The following KIAA1549 variants were observed in gnomAD, a reference collection of about 807,000 sequenced individuals.
KIAA1549 encodes KIAA1549, also known as UPF0606 protein KIAA1549.
KIAA1549 carries 70 observed loss-of-function variants against 156.4 expected under a neutral mutation model. That is an observed-to-expected ratio of 0.45 (90% CI 0.37 to 0.55). The LOEUF (loss-of-function observed/expected upper bound fraction) is 0.55. Among genes scored for constraint, KIAA1549 ranks in the 20% least tolerant of loss-of-function variants. The pLI is 0.00. For synonymous variants in KIAA1549, 1,103 were observed against 1,066.4 expected, an observed-to-expected ratio of 1.03 and a Z score of -0.67; for missense variants, 2,428 against 2,540.9, an observed-to-expected ratio of 0.96 and a Z score of 0.96.
At chr7:138,838,269 A>G in intron 19 of KIAA1549, 109 bp from the exon 20 acceptor site, 1 of 1,171,576 alleles carries the variant, frequency 8.5e-7, no homozygotes, top group Non-Finnish European at 1.2e-6. Flanking sequence ...CCATCCACCA[A>G]CTCAGCCCTC....
At chr7:138,953,738 T>C (rs2354340) in intron 1 of KIAA1549, among the ~76,000 whole-genome samples, 23,096 of 152,186 alleles carry the variant, frequency 0.15, 2,792 homozygotes, top group African/African-American at 0.33. Flanking sequence ...TTTCTTGCCA[T>C]GTTTATAAAT....
At chr7:138,909,423 T>C (rs1812106464) in intron 4 of KIAA1549, among the ~76,000 whole-genome samples, 1 of 152,174 alleles carries the variant, frequency 6.6e-6, no homozygotes, top group South Asian at 2.1e-4. Context: ...TATAAATTCA[T>C]TGTAGATGAA....
Position 138,907,456 on chromosome 7 carries a change from T to C in KIAA1549, c.3277-354A>G, listed in dbSNP as rs1482098065. Among the ~76,000 whole-genome samples the C allele has an allele frequency of 3.3e-5, 5 of 152,210 alleles. No individual in the cohort carries two copies. The East Asian group carries it at 5.8e-4, about 18-fold the overall frequency. On this transcript the variant is annotated intron_variant, in intron 5 of 19. Transcript: ENST00000422774. The stretch of plus-strand genomic sequence containing the variant: ...TCTGGGGGATGAAGAAAGGATGGGA[T>C]TGGATTGATATAAACCAGAACAGAG...
chr7:138,899,118 C>T lies in KIAA1549; in HGVS notation c.3684G>A (p.Ser1228=), dbSNP rs372805366. 162 of 1,613,676 alleles carry T rather than the reference C, an allele frequency of 1.0e-4. No homozygotes were observed. The African/African-American group carries it at 1.7e-3, about 17-fold the overall frequency. Residue 1228 remains serine, a synonymous_variant, in exon 9 of 20, where the codon TCG becomes TCA. Transcript: ENST00000422774. The part of the protein sequence containing the change: ...GNSVVQVVNV[S]RLEGDDNPVQ... ...CCGGATTGTCATCTCCCTCCAGCCTCGACACATTTACCACCTGAAAGATAG... is the reference window on the plus strand; with the variant it reads ...CCGGATTGTCATCTCCCTCCAGCCTTGACACATTTACCACCTGAAAGATAG...
chr7:138,849,927 G>A (rs1042763194), intron 17 of KIAA1549, among the ~76,000 whole-genome samples: 1 of 152,068 alleles, frequency 6.6e-6, no homozygotes, highest in Non-Finnish European at 1.5e-5. Flanking sequence ...GTATTCCATT[G>A]TGTATGCGTA....
chr7:138,932,759 C>T (rs1812907491), intron 1 of KIAA1549, among the ~76,000 whole-genome samples: 1 of 152,130 alleles, frequency 6.6e-6, no homozygotes, highest in African/African-American at 2.4e-5. Context: ...GGAAATGCAG[C>T]ATCTCAGGCC....
At chr7:138,972,497 T>C (rs1422012348) in intron 1 of KIAA1549, among the ~76,000 whole-genome samples, 1 of 151,478 alleles carries the variant, frequency 6.6e-6, no homozygotes. Context: ...GCTCCTTCAA[T>C]CCCCTTTGGC....
At chr7:138,916,618 A>G in intron 2 of KIAA1549, 130 bp downstream of exon 2, 1 of 1,417,216 alleles carries the variant, frequency 7.1e-7, no homozygotes, top group South Asian at 1.4e-5. Context: ...GCATAGGAGT[A>G]CTACCTGGGA....
chr7:138,882,391 C>T (rs1043970813), intron 10 of KIAA1549, among the ~76,000 whole-genome samples: 5 of 152,138 alleles, frequency 3.3e-5, no homozygotes, highest in African/African-American at 7.2e-5. Flanking sequence ...GGGAAAGAGG[C>T]GAGTCATATA....
chr7:138,961,295 C>T (rs1409863532), intron 1 of KIAA1549, among the ~76,000 whole-genome samples: 2 of 152,226 alleles, frequency 1.3e-5, no homozygotes, highest in Non-Finnish European at 2.9e-5. Context: ...TGGCGTTCTT[C>T]TTTTGAAGTC....
intron 14 of KIAA1549, among the ~76,000 whole-genome samples, chr7:138,868,665 C>A (rs554611206): frequency 2.0e-5 from 3 of 152,156 alleles, no homozygotes; most frequent in African/African-American, 7.2e-5. Flanking sequence ...TAACTCCTGA[C>A]CTCGTGATCC....
At chr7:138,841,594 G>C (rs1809919869) in intron 18 of KIAA1549, among the ~76,000 whole-genome samples, 1 of 152,128 alleles carries the variant, frequency 6.6e-6, no homozygotes. Context: ...TTCTAAATTT[G>C]GAAATTTCAT....
At chr7:138,942,157 G>T (rs892566612) in intron 1 of KIAA1549, among the ~76,000 whole-genome samples, 2 of 152,084 alleles carry the variant, frequency 1.3e-5, no homozygotes, top group African/African-American at 4.8e-5. Context: ...TTTGAACCCG[G>T]ATCTATCCGC....
chr7:138,886,263 G>C (rs1811388000), intron 10 of KIAA1549, among the ~76,000 whole-genome samples: 1 of 152,072 alleles, frequency 6.6e-6, no homozygotes, highest in South Asian at 2.1e-4. Context: ...CAGTGGCTTA[G>C]GTCTGTGACC....
At chr7:138,979,594 A>G (rs1485140158) in intron 1 of KIAA1549, among the ~76,000 whole-genome samples, 2 of 152,250 alleles carry the variant, frequency 1.3e-5, no homozygotes, top group East Asian at 3.8e-4. Context: ...CTTATGACAG[A>G]TGAATCCACG....
Position 138,931,400 on chromosome 7 carries a change from C to T in KIAA1549, c.188-11962G>A, listed in dbSNP as rs188714096. ...TCCTCATATCTTATGTCAGTTATAA[C>T]TTCTCCAGTTCATGACTTGTTGTTT... is the stretch of plus-strand genomic sequence containing the variant. On this transcript the variant is annotated intron_variant, in intron 1 of 19. Coordinates refer to ENST00000422774, the MANE Select transcript of KIAA1549 (RefSeq NM_001164665.2). 4.5e-3 allele frequency among the ~76,000 whole-genome samples: 689 copies of T among 152,272 alleles called. 6 individuals carry two copies. Among genetic ancestry groups the T allele is most frequent in the African/African-American group, 0.016 (667 of 41,540 alleles).
At chr7:138,854,082 TGACA>T (rs908737505) in intron 16 of KIAA1549, among the ~76,000 whole-genome samples, 6 of 152,118 alleles carry the variant, frequency 3.9e-5, no homozygotes, top group East Asian at 1.9e-4. Flanking sequence ...TAAAAAAAAA[TGACA>T]GACAGAATTT....
At position 138,910,550 on chromosome 7, in the gene KIAA1549, A is replaced by G. The variant is rs1160722337; in HGVS notation, c.3145+596T>C. On this transcript the variant is annotated intron_variant, in intron 4 of 19. Coordinates refer to ENST00000422774, the MANE Select transcript of KIAA1549 (RefSeq NM_001164665.2). ...GTCACTGGGATTACAGGCGTATGCC[A>G]CCATATCTGGCTAATTTTTGTATTT... is the stretch of plus-strand genomic sequence containing the variant. Among the ~76,000 whole-genome samples the G allele has an allele frequency of 2.0e-5, 3 of 151,882 alleles. No homozygotes were observed. The East Asian group carries it at 5.8e-4, about 29-fold the overall frequency.
Position 138,833,853 on chromosome 7 carries a change from T to C in KIAA1549, c.*4053A>G, listed in dbSNP as rs1343224884. On this transcript the variant is annotated 3_prime_UTR_variant, in exon 20 of 20. Transcript: ENST00000422774. ...TGTAGATCTTCACAGCCCTGGTCGT[T>C]TCCTTGCTGCATGACTGCAAAAGCA... The C allele has an allele frequency of 4.3e-6, 1 of 231,838 alleles. No individual in the cohort carries two copies. Among genetic ancestry groups the C allele is most frequent in the Non-Finnish European group, 8.5e-6 (1 of 117,274 alleles). 14.4% of individuals were successfully genotyped at this position (231,838 alleles called of 1,614,324 possible).
Sources: gnomAD v4.1 joint callset for allele counts (sites outside exome capture counted in the v4.1 genomes callset) on GRCh38, gnomAD v4.1.1 for gene constraint, MANE v1.5 for transcripts, NCBI Gene and HGNC (gene_info 2026-07-23, HGNC 2026-07-21) for gene names.